FAAH2: variants seen among roughly 807,000 people sequenced by gnomAD.
FAAH2 encodes fatty acid amide hydrolase 2.
A neutral mutation model predicts 36.9 loss-of-function variants in FAAH2; 60 were observed. The observed-to-expected ratio is 1.63, with a 90% confidence interval of 1.32 to 2.02. The LOEUF (loss-of-function observed/expected upper bound fraction) is 2.02. Ranked by LOEUF, FAAH2 falls within the 30% of genes most tolerant of loss-of-function variation. FAAH2 has a pLI of 0.00. For missense variants in FAAH2, 689 were observed against 397.5 expected, an observed-to-expected ratio of 1.73 and a Z score of -6.23; for synonymous variants, 214 against 143.8, an observed-to-expected ratio of 1.49 and a Z score of -3.49.
At chrX:57,484,674 C>T (rs2057441711) in intron 10 of FAAH2, among the ~76,000 whole-genome samples, 1 of 111,130 alleles carries the variant, frequency 9.0e-6, no homozygotes, top group African/African-American at 3.3e-5. Flanking sequence ...GTTGCTGCTT[C>T]GTGGAAGTGA....
At chrX:57,276,459 C>T in the FAAH2 span, among the ~76,000 whole-genome samples, 3 of 111,686 alleles carry the variant, frequency 2.7e-5, no homozygotes, top group African/African-American at 9.8e-5. Context: ...TAAATGCCCA[C>T]AAGAGAAAGC....
chrX:57,323,522 T>C (rs1373322056), intron 3 of FAAH2, among the ~76,000 whole-genome samples: 1 of 111,392 alleles, frequency 9.0e-6, no homozygotes, highest in Non-Finnish European at 1.9e-5. Context: ...AATGATTGCC[T>C]TTCTAACTGG....
chrX:57,379,547 A>T (rs12388546), intron 6 of FAAH2, among the ~76,000 whole-genome samples: 63 of 101,184 alleles, frequency 6.2e-4, no homozygotes, highest in East Asian at 1.2e-3. Context: ...TCTCTCTCTC[A>T]CACACACACA....
At chrX:57,199,327 A>AT in the FAAH2 span, among the ~76,000 whole-genome samples, 1 of 109,545 alleles carries the variant, frequency 9.1e-6, no homozygotes, top group South Asian at 4.0e-4. Flanking sequence ...TTCCTTCTCA[A>AT]TTTTTTTAGT....
the FAAH2 span, among the ~76,000 whole-genome samples, chrX:57,144,018 A>G: frequency 8.9e-6 from 1 of 111,830 alleles, no homozygotes; most frequent in Non-Finnish European, 1.9e-5. Flanking sequence ...GTGAAAGTCT[A>G]TCTGTACTTC....
At chrX:57,167,360 G>A in the FAAH2 span, among the ~76,000 whole-genome samples, 1 of 111,221 alleles carries the variant, frequency 9.0e-6, no homozygotes, top group Non-Finnish European at 1.9e-5. Context: ...CTCCAGGCCA[G>A]CACCTGTCCC....
At chrX:57,431,163 A>T (rs1421319765) in intron 7 of FAAH2, among the ~76,000 whole-genome samples, 1 of 111,533 alleles carries the variant, frequency 9.0e-6, no homozygotes. Flanking sequence ...TTTAATATCC[A>T]TTGTCATACG....
chrX:57,191,339 A>T, the FAAH2 span, among the ~76,000 whole-genome samples: 1 of 110,945 alleles, frequency 9.0e-6, no homozygotes, highest in East Asian at 2.9e-4. Flanking sequence ...TTATATTATT[A>T]TATTCTTTCC....
chrX:57,239,504 G>A, the FAAH2 span, among the ~76,000 whole-genome samples: 1 of 109,603 alleles, frequency 9.1e-6, no homozygotes, highest in Non-Finnish European at 1.9e-5. Context: ...TTGACCTTGG[G>A]GAATCTGATT....
At chrX:57,219,774 C>CG in the FAAH2 span, among the ~76,000 whole-genome samples, 2 of 81,285 alleles carry the variant, frequency 2.5e-5, no homozygotes, top group Admixed American at 2.9e-4. Flanking sequence ...GTCCTCTGTT[C>CG]CAAAAAAAAA....
At position 57,452,946 on chromosome X, in the gene FAAH2, A is replaced by C. The variant is rs111655981; in HGVS notation, c.1423+4228A>C. 9.9e-3 allele frequency among the ~76,000 whole-genome samples: 1,112 copies of C among 112,083 alleles called. 13 individuals are homozygous for C. Among genetic ancestry groups the C allele is most frequent in the African/African-American group, 0.034 (1,055 of 30,814 alleles). The stretch of plus-strand genomic sequence containing the variant: ...ACAAAACTTTCACACTGGGTAGGGC[A>C]AGGCAGACCTTAAAGACTGACAACT... On this transcript the variant is annotated intron_variant, in intron 10 of 10. Transcript: ENST00000374900.
chrX:57,420,194 C>T (rs1175716934), intron 7 of FAAH2, among the ~76,000 whole-genome samples: 23 of 108,080 alleles, frequency 2.1e-4, no homozygotes, highest in Middle Eastern at 4.9e-3. Flanking sequence ...ATTGACTTGG[C>T]GATGTGGGCT....
chrX:57,361,697 G>T (rs1459267431), intron 5 of FAAH2, among the ~76,000 whole-genome samples: 3 of 110,920 alleles, frequency 2.7e-5, no homozygotes, highest in Non-Finnish European at 5.7e-5. Context: ...TTTCTTTGTA[G>T]CCCAATATGT....
chrX:57,175,042 T>C, the FAAH2 span, among the ~76,000 whole-genome samples: 162 of 111,645 alleles, frequency 1.5e-3, no homozygotes, highest in Non-Finnish European at 2.5e-3. Context: ...GATAATGTAT[T>C]TTCTGCAGTT....
intron 7 of FAAH2, chrX:57,395,357 G>T: frequency 4.4e-6 from 3 of 685,863 alleles, no homozygotes; most frequent in Non-Finnish European, 7.0e-6. Context: ...CTTCAGTCTC[G>T]CCCTTATTTG....
At chrX:57,337,550 T>C (rs2053584576) in intron 4 of FAAH2, among the ~76,000 whole-genome samples, 1 of 111,990 alleles carries the variant, frequency 8.9e-6, no homozygotes, top group Non-Finnish European at 1.9e-5. Flanking sequence ...TCAAATAGCT[T>C]ATACACCATG....
At chrX:57,202,810 G>A in the FAAH2 span, among the ~76,000 whole-genome samples, 15 of 111,746 alleles carry the variant, frequency 1.3e-4, no homozygotes, top group South Asian at 3.8e-4. Flanking sequence ...AGTCTGCCTC[G>A]TGTTTTATTG....
intron 10 of FAAH2, among the ~76,000 whole-genome samples, chrX:57,462,165 CAAAAAAAA>C (rs34690622): frequency 1.9e-5 from 1 of 51,863 alleles, no homozygotes; most frequent in African/African-American, 7.1e-5. Flanking sequence ...TAATAGCCTA[CAAAAAAAA>C]AAAAAAAAAA....
At chrX:57,211,284 T>G in the FAAH2 span, among the ~76,000 whole-genome samples, 1 of 112,174 alleles carries the variant, frequency 8.9e-6, no homozygotes, top group African/African-American at 3.2e-5. Context: ...TCTTTCCTTG[T>G]GCTGCCTCTT....
Sources: gnomAD v4.1 joint callset for allele counts (sites outside exome capture counted in the v4.1 genomes callset) on GRCh38, gnomAD v4.1.1 for gene constraint, MANE v1.5 for transcripts, NCBI Gene and HGNC (gene_info 2026-07-23, HGNC 2026-07-21) for gene names.